Variants in MMUT observed in about 807,000 individuals in gnomAD.
The protein encoded by MMUT is methylmalonyl-CoA mutase.
A neutral mutation model predicts 79.9 loss-of-function variants in MMUT; 79 were observed. The ratio of observed to expected loss-of-function variants is 0.99; its 90% CI spans 0.82 to 1.19. The LOEUF is 1.19. MMUT is among the 50% of genes most tolerant of loss of function. The pLI is 0.00. For synonymous variants in MMUT, 273 were observed against 295.7 expected (o/e 0.92, Z 0.79); for missense variants, 860 against 917.2 (o/e 0.94, Z 0.81).
intron 11 of MMUT, among the ~76,000 whole-genome samples, chr6:49,437,615 AG>A (rs1490299815): frequency 6.6e-6 from 1 of 152,110 alleles, no homozygotes; most frequent in Non-Finnish European, 1.5e-5. Flanking sequence ...TAATTCCTGG[AG>A]GCCTCATTAT....
intron 4 of MMUT, 34 bp from the exon 5 acceptor site, chr6:49,453,790 A>G (rs1371138913): frequency 6.5e-7 from 1 of 1,549,050 alleles, no homozygotes; most frequent in East Asian, 2.3e-5. Context: ...GAATTTAATT[A>G]AAGTTAACAA....
At chr6:49,448,999 G>T in intron 6 of MMUT, 72 bp from the exon 7 acceptor site, 1 of 921,428 alleles carries the variant, frequency 1.1e-6, no homozygotes, top group South Asian at 1.4e-5. Flanking sequence ...AATTTGTTAT[G>T]AGTGTTATAT....
At position 49,457,711 on chromosome 6, in the gene MMUT, T is replaced by C. The variant is rs754464973; in HGVS notation, c.733A>G (p.Ile245Val). 1.2e-6 allele frequency: 2 copies of C among 1,611,222 alleles called. No homozygotes were observed. The highest frequency in any genetic ancestry group is 1.1e-5 in the South Asian group (1 of 90,652). The change falls in exon 3 of 13, where the codon ATA becomes GTA. Residue 245 changes from isoleucine to valine, a missense_variant. Ile to Val is a conservative substitution (Grantham distance 29, BLOSUM62 3). Transcript: ENST00000274813. Reference sequence around the variant, plus strand: ...TATACCTTTGCTGTATATTCAAATATGTCAGCAATAATTTTCATGGATGGT... The same window carrying C: ...TATACCTTTGCTGTATATTCAAATACGTCAGCAATAATTTTCATGGATGGT... Reference protein sequence around the residue: ...PEPSMKIIADIFEYTAKHMPK... With the variant: ...PEPSMKIIADVFEYTAKHMPK...
intron 1 of MMUT, among the ~76,000 whole-genome samples, chr6:49,459,824 T>G (rs1162264748): frequency 1.3e-5 from 2 of 152,188 alleles, no homozygotes; most frequent in South Asian, 2.1e-4. Context: ...ACACTCCTCA[T>G]GGAATTTTTC....
chr6:49,446,609 TA>T (rs546085011), intron 8 of MMUT, among the ~76,000 whole-genome samples: 138 of 151,956 alleles, frequency 9.1e-4, no homozygotes, highest in Non-Finnish European at 1.5e-3. Context: ...AACTACCTGT[TA>T]AATAAAACAA....
At chr6:49,439,229 C>T (rs1476085664) in intron 11 of MMUT, among the ~76,000 whole-genome samples, 2 of 152,088 alleles carry the variant, frequency 1.3e-5, no homozygotes, top group African/African-American at 2.4e-5. Flanking sequence ...CAGTTCTGGT[C>T]GCATGGTGAC....
In MMUT at chr6:49,442,770, G is replaced by T. The variant is rs147483494; in HGVS notation, c.1677-799C>A. Reference sequence around the variant, plus strand: ...TGAGATGTAGGAAAATATGTTTTATGTTCTAAAAATAGAAAGAAGGGCATT... The same window carrying T: ...TGAGATGTAGGAAAATATGTTTTATTTTCTAAAAATAGAAAGAAGGGCATT... On this transcript the variant is annotated intron_variant, in intron 9 of 12. Transcript: ENST00000274813. Among the ~76,000 whole-genome samples, 439 of 152,148 alleles carry T rather than the reference G, an allele frequency of 2.9e-3. 3 individuals carry two copies. Among genetic ancestry groups the T allele is most frequent in the Non-Finnish European group, 2.8e-3 (190 of 67,986 alleles).
intron 11 of MMUT, 142 bp from the exon 12 acceptor site, chr6:49,435,765 A>G (rs1767107840): frequency 1.2e-6 from 1 of 843,880 alleles, no homozygotes; most frequent in South Asian, 1.8e-5. Flanking sequence ...AAGCAATTAC[A>G]ACAAAAGCAA....
chr6:49,434,545 G>A (rs1412668769), intron 12 of MMUT, among the ~76,000 whole-genome samples: 2 of 152,030 alleles, frequency 1.3e-5, no homozygotes, highest in African/African-American at 2.4e-5. Context: ...ATTTACTTAC[G>A]ACAGCTTCAT....
At chr6:49,455,929 A>G (rs1767673981) in intron 4 of MMUT, 151 bp downstream of exon 4, 1 of 663,486 alleles carries the variant, frequency 1.5e-6, no homozygotes, top group Non-Finnish European at 2.4e-6. Flanking sequence ...TATTAGAAAT[A>G]TTGGCTTTTT....
At chr6:49,433,373 T>C (rs1054864678) in intron 12 of MMUT, among the ~76,000 whole-genome samples, 1 of 152,246 alleles carries the variant, frequency 6.6e-6, no homozygotes, top group Non-Finnish European at 1.5e-5. Context: ...ATGTGACTTA[T>C]CTAACTCTTT....
chr6:49,435,451 A>C lies in MMUT; in HGVS notation c.2124+5T>G. ...CAGTACTAGAAAAATAGAGATAAAAAATACCTGAGGTGGTATCACCCCTCC... is the reference window on the plus strand; with the variant it reads ...CAGTACTAGAAAAATAGAGATAAAACATACCTGAGGTGGTATCACCCCTCC... On this transcript the variant is annotated splice_donor_5th_base_variant and intron_variant, in intron 12 of 12. Coordinates refer to ENST00000274813, the MANE Select transcript of MMUT (RefSeq NM_000255.4). 2 of 1,612,594 alleles carry C rather than the reference A, an allele frequency of 1.2e-6. No homozygotes were observed. The highest frequency in any genetic ancestry group is 1.7e-6 in the Non-Finnish European group (2 of 1,178,614).
intron 2 of MMUT, 31 bp from the exon 3 acceptor site, chr6:49,458,089 T>C: frequency 1.9e-6 from 3 of 1,595,076 alleles, no homozygotes; most frequent in Non-Finnish European, 2.5e-6. Context: ...AATGTAAGAT[T>C]CAAGAGTCTG....
chr6:49,461,753 A>G (rs1004409590), intron 1 of MMUT, among the ~76,000 whole-genome samples: 1 of 152,210 alleles, frequency 6.6e-6, no homozygotes, highest in Non-Finnish European at 1.5e-5. Context: ...TGGGCAACAG[A>G]GAGAGACCCC....
chr6:49,446,194 T>C (rs1767406726), intron 8 of MMUT, among the ~76,000 whole-genome samples: 2 of 151,948 alleles, frequency 1.3e-5, no homozygotes, highest in Admixed American at 6.6e-5. Flanking sequence ...TAATTTAATA[T>C]AAAATTACTG....
chr6:49,453,416 A>G (rs1286684450), intron 5 of MMUT, among the ~76,000 whole-genome samples, 169 bp downstream of exon 5: 2 of 151,818 alleles, frequency 1.3e-5, no homozygotes, highest in African/African-American at 2.4e-5. Flanking sequence ...TTTATTTATT[A>G]TATTATGTAT....
At chr6:49,438,342 A>C (rs1561951504) in intron 11 of MMUT, among the ~76,000 whole-genome samples, 1 of 152,018 alleles carries the variant, frequency 6.6e-6, no homozygotes, top group African/African-American at 2.4e-5. Flanking sequence ...AGTTAAAAAA[A>C]GACAACAAAA....
chr6:49,449,201 T>A (rs1767488607), intron 6 of MMUT, among the ~76,000 whole-genome samples: 1 of 152,136 alleles, frequency 6.6e-6, no homozygotes, highest in Non-Finnish European at 1.5e-5. Context: ...AATTCTCTAA[T>A]CTTTATTTTT....
chr6:49,431,692 A>G lies in MMUT; in HGVS notation c.*36T>C. The G allele has an allele frequency of 3.8e-6, 6 of 1,591,548 alleles. No individual in the cohort carries two copies. Among genetic ancestry groups the G allele is most frequent in the Non-Finnish European group, 5.2e-6 (6 of 1,160,582 alleles). On this transcript the variant is annotated 3_prime_UTR_variant, in exon 13 of 13. Coordinates refer to ENST00000274813, the MANE Select transcript of MMUT (RefSeq NM_000255.4). The stretch of plus-strand genomic sequence containing the variant: ...TCTCTTCTTTGATCATAACTAAAAT[A>G]ATATTTTAGACAAAAGCTAAAACAA...
Sources: gnomAD v4.1 joint callset for allele counts (sites outside exome capture counted in the v4.1 genomes callset) on GRCh38, gnomAD v4.1.1 for gene constraint, MANE v1.5 for transcripts, NCBI Gene and HGNC (gene_info 2026-07-23, HGNC 2026-07-21) for gene names.